Variants in ERBB4 observed in about 807,000 individuals in gnomAD.
The protein encoded by ERBB4 is receptor tyrosine-protein kinase erbB-4.
Under a neutral mutation model 158.0 loss-of-function variants are expected in ERBB4, and 42 were observed. That is an observed-to-expected ratio of 0.27 (90% confidence interval 0.21 to 0.34). ERBB4 has a LOEUF of 0.34. Ranked by LOEUF, ERBB4 falls within the 10% of genes least tolerant of loss-of-function variation. The probability of loss-of-function intolerance (pLI) is 1.00; values close to 1 mark genes in which losing one functional copy is unlikely to be tolerated. For synonymous variants in ERBB4, 583 were observed against 558.7 expected (o/e 1.04, Z -0.61); for missense variants, 1,333 against 1,624.1 (o/e 0.82, Z 3.08).
At chr2:211,793,986 C>T (rs555205490) in intron 3 of ERBB4, among the ~76,000 whole-genome samples, 6 of 151,912 alleles carry the variant, frequency 3.9e-5, no homozygotes, top group East Asian at 3.9e-4. Flanking sequence ...AAATGAGTGA[C>T]GTAACCTTCT....
intron 1 of ERBB4, among the ~76,000 whole-genome samples, chr2:212,152,800 T>A (rs1220227061): frequency 6.6e-6 from 1 of 152,188 alleles, no homozygotes; most frequent in Non-Finnish European, 1.5e-5. Flanking sequence ...TGCTTCCTCA[T>A]TCAGTGAATG....
chr2:211,709,274 T>TATATATATATATATATATATATAC (rs1553615210), intron 9 of ERBB4, among the ~76,000 whole-genome samples: 6 of 136,556 alleles, frequency 4.4e-5, no homozygotes, highest in African/African-American at 1.4e-4. Flanking sequence ...TATATATATA[T>TATATATATATATATATATATATAC]ACATACATAT....
intron 20 of ERBB4, among the ~76,000 whole-genome samples, chr2:211,500,933 A>T (rs926259549): frequency 6.6e-6 from 1 of 152,048 alleles, no homozygotes; most frequent in Non-Finnish European, 1.5e-5. Flanking sequence ...TTACATTTCA[A>T]AAAGAAACAT....
rs537003725 is a variant in ERBB4 at position 212,505,780 on chromosome 2, A to G, written c.82+32669T>C. 2.0e-5 allele frequency among the ~76,000 whole-genome samples: 3 copies of G among 149,056 alleles called. 1 individual carries two copies. The highest frequency in any genetic ancestry group is 4.5e-5 in the Non-Finnish European group (3 of 66,102). On this transcript the variant is annotated intron_variant, in intron 1 of 27. Coordinates refer to ENST00000342788, the MANE Select transcript of ERBB4 (RefSeq NM_005235.3). ...TGCCAATGCTTATCTTGCTTGCTGC[A>G]ACATGAGTAATAAAAGTCCTTTGTT...
chr2:211,941,717 T>TA (rs1553517428), intron 3 of ERBB4, among the ~76,000 whole-genome samples: 1 of 5,422 alleles, frequency 1.8e-4, no homozygotes, highest in Non-Finnish European at 5.0e-4. Flanking sequence ...TTTGGAACAC[T>TA]TTTTTTTTTT....
intron 1 of ERBB4, among the ~76,000 whole-genome samples, chr2:212,526,506 G>T (rs749037037): frequency 6.6e-6 from 1 of 151,926 alleles, no homozygotes; most frequent in Non-Finnish European, 1.5e-5. Context: ...TTCCGAATAC[G>T]TTTTTAAAGG....
At chr2:212,216,467 G>A (rs1165617030) in intron 1 of ERBB4, among the ~76,000 whole-genome samples, 1 of 151,294 alleles carries the variant, frequency 6.6e-6, no homozygotes, top group Non-Finnish European at 1.5e-5. Flanking sequence ...CCCATGTAGA[G>A]AGTGGGTTGA....
intron 20 of ERBB4, among the ~76,000 whole-genome samples, chr2:211,484,191 T>C (rs909451100): frequency 2.0e-5 from 3 of 151,700 alleles, no homozygotes; most frequent in African/African-American, 7.3e-5. Context: ...ACAAAGGAGA[T>C]AGAGTCATAA....
At chr2:212,275,219 G>A (rs750509103) in intron 1 of ERBB4, among the ~76,000 whole-genome samples, 16 of 151,924 alleles carry the variant, frequency 1.1e-4, no homozygotes, top group Non-Finnish European at 1.9e-4. Flanking sequence ...TGTGAACAGT[G>A]CCGCAATAAA....
intron 1 of ERBB4, among the ~76,000 whole-genome samples, chr2:212,436,658 T>C (rs1437843712): frequency 6.6e-6 from 1 of 152,054 alleles, no homozygotes; most frequent in African/African-American, 2.4e-5. Context: ...GAAGAAAATA[T>C]ATAAATGAAT....
In ERBB4 at chr2:212,256,562, T is replaced by C. The variant is rs538425063; in HGVS notation, c.83-131659A>G. 2.0e-5 allele frequency among the ~76,000 whole-genome samples: 3 copies of C among 152,278 alleles called. No individual in the cohort carries two copies. The South Asian group carries it at 6.2e-4, about 32-fold the overall frequency. On this transcript the variant is annotated intron_variant, in intron 1 of 27. Transcript: ENST00000342788. ...GGAAGGGAGGTGGTGTTATTAAACATTTATTAAGGATCTGCACATATTAAG... is the reference window on the plus strand; with the variant it reads ...GGAAGGGAGGTGGTGTTATTAAACACTTATTAAGGATCTGCACATATTAAG...
chr2:212,527,312 T>C (rs1186381770), intron 1 of ERBB4, among the ~76,000 whole-genome samples: 1 of 152,162 alleles, frequency 6.6e-6, no homozygotes, highest in Non-Finnish European at 1.5e-5. Context: ...TACAGTGTGA[T>C]TTTACACTAC....
At chr2:211,696,163 T>G (rs2073016728) in intron 12 of ERBB4, among the ~76,000 whole-genome samples, 1 of 151,688 alleles carries the variant, frequency 6.6e-6, no homozygotes, top group African/African-American at 2.4e-5. Flanking sequence ...CAGGCTGAAG[T>G]GCAATGGTGT....
At chr2:211,612,305 T>C (rs2069231203) in intron 19 of ERBB4, among the ~76,000 whole-genome samples, 1 of 152,104 alleles carries the variant, frequency 6.6e-6, no homozygotes, top group Non-Finnish European at 1.5e-5. Flanking sequence ...TTGTGCTTGC[T>C]CATAGATATG....
At chr2:211,632,516 T>G (rs1276483588) in intron 16 of ERBB4, among the ~76,000 whole-genome samples, 1 of 152,086 alleles carries the variant, frequency 6.6e-6, no homozygotes, top group East Asian at 1.9e-4. Flanking sequence ...TCTCTGCTTA[T>G]TTATTTTGCA....
chr2:211,818,585 G>A (rs1206616113), intron 3 of ERBB4, among the ~76,000 whole-genome samples: 1 of 152,036 alleles, frequency 6.6e-6, no homozygotes, highest in East Asian at 1.9e-4. Context: ...AGTACTTAAA[G>A]GGAGCACAAA....
At chr2:212,458,485 T>C (rs919557134) in intron 1 of ERBB4, among the ~76,000 whole-genome samples, 3 of 152,010 alleles carry the variant, frequency 2.0e-5, no homozygotes, top group Non-Finnish European at 4.4e-5. Flanking sequence ...GAATCAGGCA[T>C]ATAGAGAGAG....
chr2:211,675,539 G>A (rs1329478786), intron 13 of ERBB4, among the ~76,000 whole-genome samples: 1 of 151,846 alleles, frequency 6.6e-6, no homozygotes, highest in Non-Finnish European at 1.5e-5. Flanking sequence ...GTTTAAGCAT[G>A]TTGACAGATA....
intron 3 of ERBB4, among the ~76,000 whole-genome samples, chr2:211,905,738 G>GTATATATATA (rs1469524984): frequency 0.01 from 1,083 of 108,062 alleles, 12 homozygotes; most frequent in African/African-American, 0.016. Context: ...GTGTGTGCAT[G>GTATATATATA]TGTGTGTATA....
Sources: allele counts gnomAD v4.1 joint callset (sites outside exome capture counted in the v4.1 genomes callset), GRCh38; gene constraint gnomAD v4.1.1; transcripts MANE v1.5; gene names NCBI Gene and HGNC (gene_info 2026-07-23, HGNC 2026-07-21).